The following AK5 variants were observed in gnomAD, a reference collection of about 807,000 sequenced individuals.
AK5 encodes adenylate kinase 5, also known as adenylate kinase isoenzyme 5.
In AK5, 27 loss-of-function variants were observed where a neutral mutation model predicts 69.5. The ratio of observed to expected loss-of-function variants is 0.39; its 90% CI spans 0.29 to 0.54. The LOEUF is 0.54. Ranked by LOEUF, AK5 falls within the 20% of genes least tolerant of loss-of-function variation. The pLI, the probability that AK5 is intolerant of heterozygous loss-of-function variation, is 0.71. For synonymous variants in AK5, 260 were observed against 244.4 expected (o/e 1.06, Z -0.60); for missense variants, 531 against 700.4 (o/e 0.76, Z 2.73).
chr1:77,444,754 G>A (rs1373711866), intron 8 of AK5, among the ~76,000 whole-genome samples: 3 of 146,842 alleles, frequency 2.0e-5, no homozygotes, highest in Non-Finnish European at 1.5e-5. Context: ...CTTTTCTGTA[G>A]AGATTGGGGG....
intron 10 of AK5, among the ~76,000 whole-genome samples, chr1:77,495,833 A>G (rs953469855): frequency 6.7e-6 from 1 of 148,284 alleles, no homozygotes; most frequent in African/African-American, 2.5e-5. Flanking sequence ...ACAAGCAGAT[A>G]TATAGACTTA....
intron 10 of AK5, among the ~76,000 whole-genome samples, chr1:77,488,179 C>G (rs1468357651): frequency 6.6e-6 from 1 of 152,170 alleles, no homozygotes; most frequent in Non-Finnish European, 1.5e-5. Flanking sequence ...CAGTTGTCAT[C>G]TGCTTACCTC....
chr1:77,543,068 C>A (rs929181664), intron 13 of AK5, among the ~76,000 whole-genome samples: 1 of 152,190 alleles, frequency 6.6e-6, no homozygotes, highest in South Asian at 2.1e-4. Context: ...AATAGTTTGA[C>A]CGTTTCCATT....
intron 13 of AK5, among the ~76,000 whole-genome samples, chr1:77,536,292 C>T (rs1178138350): frequency 6.6e-6 from 1 of 152,072 alleles, no homozygotes; most frequent in Non-Finnish European, 1.5e-5. Flanking sequence ...GAGACCCCTG[C>T]CTCTGCAAAA....
chr1:77,481,874 A>G (rs1655273290), intron 8 of AK5, among the ~76,000 whole-genome samples: 1 of 152,242 alleles, frequency 6.6e-6, no homozygotes, highest in Non-Finnish European at 1.5e-5. Context: ...AAAGTTTGAG[A>G]CTGGAAACTA....
intron 8 of AK5, among the ~76,000 whole-genome samples, chr1:77,421,151 C>G (rs1408822391): frequency 1.3e-5 from 2 of 152,190 alleles, no homozygotes; most frequent in Non-Finnish European, 2.9e-5. Context: ...ACCATTCCCC[C>G]ATTCCTGACA....
Position 77,340,337 on chromosome 1 carries a change from G to C in AK5, c.700-40G>C, listed in dbSNP as rs1661586151. 3 of 1,564,740 alleles carry C rather than the reference G, an allele frequency of 1.9e-6. No individual in the cohort carries two copies. The South Asian group carries it at 3.4e-5, about 18-fold the overall frequency. On this transcript the variant is annotated intron_variant, in intron 5 of 13. Transcript: ENST00000354567. Reference sequence around the variant, plus strand: ...CAGCTGCCCACACATGCATTAGTTGGTATGTTGAATGCCTCTCTATTTGTT... The same window carrying C: ...CAGCTGCCCACACATGCATTAGTTGCTATGTTGAATGCCTCTCTATTTGTT...
intron 8 of AK5, among the ~76,000 whole-genome samples, chr1:77,460,927 T>C (rs952595979): frequency 1.3e-5 from 2 of 152,014 alleles, no homozygotes; most frequent in Admixed American, 6.6e-5. Flanking sequence ...TTTCACTATA[T>C]TGGCCAGGCT....
chr1:77,415,665 A>G (rs1293947264), intron 7 of AK5, among the ~76,000 whole-genome samples: 2 of 152,124 alleles, frequency 1.3e-5, no homozygotes, highest in Non-Finnish European at 2.9e-5. Flanking sequence ...CTGCGTCATC[A>G]TCAACCATTC....
intron 6 of AK5, among the ~76,000 whole-genome samples, chr1:77,352,739 G>C (rs765283127): frequency 1.2e-4 from 19 of 152,182 alleles, no homozygotes; most frequent in Non-Finnish European, 2.6e-4. Flanking sequence ...CCAGGGGAAG[G>C]CTTTTCTAGG....
At chr1:77,461,124 C>T (rs1441491169) in intron 8 of AK5, among the ~76,000 whole-genome samples, 1 of 150,888 alleles carries the variant, frequency 6.6e-6, no homozygotes, top group African/African-American at 2.4e-5. Flanking sequence ...AGCTCTGCCT[C>T]CTGGGTTCAC....
intron 5 of AK5, among the ~76,000 whole-genome samples, chr1:77,323,237 C>A (rs1660627358): frequency 6.6e-6 from 1 of 152,140 alleles, no homozygotes. Context: ...GGGGATCTGC[C>A]TACCTTGGCC....
At chr1:77,298,516 A>T (rs1456616181) in intron 5 of AK5, among the ~76,000 whole-genome samples, 2 of 152,050 alleles carry the variant, frequency 1.3e-5, no homozygotes, top group Non-Finnish European at 2.9e-5. Context: ...CATTAAAAAA[A>T]ATTAAGGCTG....
intron 6 of AK5, among the ~76,000 whole-genome samples, chr1:77,397,560 AG>A (rs1648915142): frequency 6.6e-6 from 1 of 152,182 alleles, no homozygotes; most frequent in Non-Finnish European, 1.5e-5. Context: ...ATAAACATTA[AG>A]CTTCTCACTA....
intron 13 of AK5, among the ~76,000 whole-genome samples, chr1:77,558,009 G>A (rs1660210397): frequency 1.3e-5 from 2 of 151,704 alleles, no homozygotes; most frequent in South Asian, 2.1e-4. Context: ...CTCTTCAGAG[G>A]AGCTTGTATC....
intron 10 of AK5, among the ~76,000 whole-genome samples, chr1:77,502,999 G>C (rs1656812019): frequency 6.6e-6 from 1 of 152,174 alleles, no homozygotes. Context: ...CAGAGGAGAT[G>C]GTGTGTTTCT....
intron 7 of AK5, among the ~76,000 whole-genome samples, chr1:77,411,611 C>A (rs1022534398): frequency 1.3e-5 from 2 of 152,088 alleles, no homozygotes; most frequent in Admixed American, 1.3e-4. Flanking sequence ...TGTCCTGACC[C>A]CCCTCTCATT....
intron 6 of AK5, among the ~76,000 whole-genome samples, chr1:77,359,726 G>A (rs1288350863): frequency 6.6e-6 from 1 of 152,092 alleles, no homozygotes; most frequent in Admixed American, 6.6e-5. Flanking sequence ...TAACTTATTC[G>A]AACTTTTTAT....
rs1475414863 is a variant in AK5, at chr1:77,486,336, A to G, written c.1131A>G (p.Lys377=). ...GGFMEDLRKC[K]IIFIIGGPGS... ...TCATGGAAGATTTGAGAAAGTGTAA[A>G]ATTATTTTCATAATTGGTGAGTAAC... Residue 377 remains lysine, a synonymous_variant, in exon 10 of 14, where the codon AAA becomes AAG. Coordinates refer to ENST00000354567, the MANE Select transcript of AK5 (RefSeq NM_174858.3). 3 of 1,579,678 alleles carry G rather than the reference A, an allele frequency of 1.9e-6. No homozygotes were observed. In the African/African-American group the frequency reaches 4.0e-5, roughly 21 times the overall value.
Sources: allele counts gnomAD v4.1 joint callset (sites outside exome capture counted in the v4.1 genomes callset), GRCh38; gene constraint gnomAD v4.1.1; transcripts MANE v1.5; gene names NCBI Gene and HGNC (gene_info 2026-07-23, HGNC 2026-07-21).